The following GTPBP4 variants were observed in gnomAD, a reference collection of about 807,000 sequenced individuals.
GTPBP4 encodes the protein GTP binding protein 4.
GTPBP4 carries 15 observed loss-of-function variants against 81.7 expected under a neutral mutation model. The observed-to-expected ratio is 0.18, with a 90% CI of 0.12 to 0.28. The LOEUF (loss-of-function observed/expected upper bound fraction) is 0.28. Ranked by LOEUF, GTPBP4 falls within the 10% of genes least tolerant of loss-of-function variation. GTPBP4 has a pLI of 1.00. For missense variants in GTPBP4, 847 were observed against 793.8 expected, an observed-to-expected ratio of 1.07 and a Z score of -0.81; for synonymous variants, 272 against 274.6, an observed-to-expected ratio of 0.99 and a Z score of 0.09.
rs773394843 is a variant in GTPBP4 at position 1,015,841 on chromosome 10, G to A, written c.1697G>A (p.Arg566Gln). The change falls in exon 16 of 17, where the codon CGG becomes CAG. Residue 566 changes from arginine (R) to glutamine (Q), a missense_variant. This residue lies in a region of GTPBP4 where 600 missense variants were observed against 557.1 expected (regional missense o/e 1.08). Transcript: ENST00000360803. ...TCTGCTCCCCCGTCCTCTGTGGCCC[G>A]GAGTGGGAGTTGCTCTCGAACTCCA... ...EDSAPPSSVA[R>Q]SGSCSRTPRD... is the part of the protein sequence containing the mutation. 2.1e-5 allele frequency: 34 copies of A among 1,613,800 alleles called. No homozygotes were observed. Among genetic ancestry groups the A allele is most frequent in the East Asian group, 6.7e-5 (3 of 44,894 alleles).
In GTPBP4 at chr10:996,306, G is replaced by A. The variant is rs1831537636; in HGVS notation, c.460+64G>A. ...TGCTGAGAGGATGCGTCCTTGTTGA[G>A]GACTTGAGATGTCTGTTTTTCTTGT... On this transcript the variant is annotated intron_variant, in intron 4 of 16. Transcript: ENST00000360803. The A allele has an allele frequency of 5.6e-6, 8 of 1,436,144 alleles. No individual in the cohort carries two copies. The South Asian group carries it at 9.1e-5, about 16-fold the overall frequency. The allele number at this position is 1,436,144 out of a possible 1,614,324, so 89.0% of individuals were successfully genotyped here.
intron 8 of GTPBP4, among the ~76,000 whole-genome samples, chr10:1,003,323 A>G (rs1207146462): frequency 1.3e-5 from 2 of 152,182 alleles, no homozygotes; most frequent in South Asian, 2.1e-4. Context: ...TGAATTATCT[A>G]TCTGTATTTT....
intron 2 of GTPBP4, among the ~76,000 whole-genome samples, chr10:994,439 T>G (rs542319414): frequency 6.6e-6 from 1 of 152,076 alleles, no homozygotes; most frequent in East Asian, 1.9e-4. Context: ...CGGCTAATTT[T>G]TGTGTTTTTT....
Position 988,539 on chromosome 10 carries a change from C to T in GTPBP4, c.48+12C>T, listed in dbSNP as rs776119125. 1 of 1,604,856 alleles carries T rather than the reference C, an allele frequency of 6.2e-7. No homozygotes were observed. Among genetic ancestry groups the T allele is most frequent in the Non-Finnish European group, 8.5e-7 (1 of 1,172,538 alleles). On this transcript the variant is annotated intron_variant, in intron 1 of 16. Transcript: ENST00000360803. ...TGCCGTCCGCCAAGGTAGGCGGCCC[C>T]GGGAGGGCCACTGCAACTTTCGCGT... is the stretch of plus-strand genomic sequence containing the variant.
chr10:997,818 A>G (rs573822743), intron 5 of GTPBP4, among the ~76,000 whole-genome samples: 68 of 152,084 alleles, frequency 4.5e-4, no homozygotes, highest in Non-Finnish European at 9.1e-4. Context: ...CAGCTTTCAC[A>G]TGAAATCGTA....
In GTPBP4 at chr10:1,017,079, T is replaced by C. The variant is rs374028434; in HGVS notation, c.1757T>C (p.Val586Ala). Residue 586 changes from valine (V) to alanine (A), a missense_variant, in exon 17 of 17, where the codon GTG (valine) becomes GCG (alanine). Coordinates refer to ENST00000360803, the MANE Select transcript of GTPBP4 (RefSeq NM_012341.3). The part of the protein sequence containing the change: ...DVSGLRDVKM[V>A]KKAKTMMKNA... ...ATTTTTTTCTCCTCCTTTTAGATGG[T>C]GAAGAAAGCCAAGACTATGATGAAG... 5 of 1,608,812 alleles carry C rather than the reference T, an allele frequency of 3.1e-6. No homozygotes were observed. In the African/African-American group the frequency reaches 6.7e-5, roughly 22 times the overall value.
intron 9 of GTPBP4, among the ~76,000 whole-genome samples, 190 bp downstream of exon 9, chr10:1,006,097 G>T (rs545392420): frequency 6.6e-6 from 1 of 152,232 alleles, no homozygotes; most frequent in Non-Finnish European, 1.5e-5. Context: ...GCCCCCCGTG[G>T]ACAGTGGGTT....
At position 988,568 on chromosome 10, in the gene GTPBP4, C is replaced by T; in HGVS notation, c.48+41C>T. ...AGGGCCACTGCAACTTTCGCGTTCT[C>T]CTCAGCTGGGTCCCCGGGGAGGGTC... On this transcript the variant is annotated intron_variant, in intron 1 of 16. Transcript: ENST00000360803. The T allele has an allele frequency of 2.0e-6, 3 of 1,515,880 alleles. 1 individual carries two copies. The highest frequency in any genetic ancestry group is 1.8e-4 in the Middle Eastern group (1 of 5,644). 93.9% of individuals were successfully genotyped at this position (1,515,880 alleles called of 1,614,324 possible).
chr10:991,989 C>T (rs1349259161), intron 1 of GTPBP4, among the ~76,000 whole-genome samples: 2 of 150,938 alleles, frequency 1.3e-5, no homozygotes, highest in African/African-American at 2.4e-5. Flanking sequence ...GCCACCGCGC[C>T]CGGCCGGTGT....
At position 1,018,036 on chromosome 10, in the gene GTPBP4, C is replaced by T. The variant is rs1832020909; in HGVS notation, c.*809C>T. 6.6e-6 allele frequency: 1 copy of T among 151,800 alleles called. No individual in the cohort carries two copies. Among genetic ancestry groups the T allele is most frequent in the Non-Finnish European group, 1.5e-5 (1 of 67,806 alleles). The allele number at this position is 151,800 out of a possible 1,614,324, so 9.4% of individuals were successfully genotyped here. A position where few individuals can be genotyped will look rare whatever the true frequency, so the allele number is the denominator to read the frequency against. On this transcript the variant is annotated 3_prime_UTR_variant, in exon 17 of 17. Coordinates refer to ENST00000360803, the MANE Select transcript of GTPBP4 (RefSeq NM_012341.3). The stretch of plus-strand genomic sequence containing the variant: ...AAGACACACAGGGGTCCAAGAGCCA[C>T]CACGGATAAGTTATCAAGTCACACA...
At chr10:1,001,239 G>A (rs1831625745) in intron 8 of GTPBP4, among the ~76,000 whole-genome samples, 1 of 152,192 alleles carries the variant, frequency 6.6e-6, no homozygotes, top group Non-Finnish European at 1.5e-5. Context: ...TTGAGTGTGT[G>A]GAAGCATCTG....
chr10:994,407 T>C (rs1273990313), intron 2 of GTPBP4, among the ~76,000 whole-genome samples: 2 of 152,118 alleles, frequency 1.3e-5, no homozygotes, highest in Non-Finnish European at 2.9e-5. Flanking sequence ...TAGCTGGGAT[T>C]ACAGGCATGT....
chr10:996,208 G>C lies in GTPBP4; in HGVS notation c.426G>C (p.Lys142Asn), dbSNP rs149909914. Residue 142 changes from lysine to asparagine, a missense_variant, in exon 4 of 17, where the codon AAG becomes AAC. Lys to Asn is a moderately conservative substitution (Grantham distance 94). This residue lies in a region of GTPBP4 where 241 missense variants were observed against 216.3 expected (regional missense o/e 1.11). Transcript: ENST00000360803. ...AALGRMCTVIKRQKQSLEYLE... is the reference protein window; with the variant it reads ...AALGRMCTVINRQKQSLEYLE... ...TGGGACGGATGTGCACAGTGATCAAGAGGCAGAAGCAGAGTTTGGAGTATT... is the reference window on the plus strand; with the variant it reads ...TGGGACGGATGTGCACAGTGATCAACAGGCAGAAGCAGAGTTTGGAGTATT... 8.8e-4 allele frequency: 1,417 copies of C among 1,613,772 alleles called. 1 individual carries two copies. The highest frequency in any genetic ancestry group is 1.1e-3 in the Non-Finnish European group (1,258 of 1,179,858).
intron 5 of GTPBP4, among the ~76,000 whole-genome samples, 198 bp downstream of exon 5, chr10:997,506 G>C (rs1227894086): frequency 6.6e-6 from 1 of 152,244 alleles, no homozygotes; most frequent in East Asian, 1.9e-4. Context: ...TGGTCTGCAG[G>C]AGTTCCCGGT....
intron 1 of GTPBP4, among the ~76,000 whole-genome samples, chr10:991,885 C>T (rs1397975089): frequency 6.8e-6 from 1 of 146,296 alleles, no homozygotes; most frequent in Admixed American, 6.8e-5. Flanking sequence ...TTAGTAGAGA[C>T]GGGGTTTCAC....
Position 997,293 on chromosome 10 carries a change from C to T in GTPBP4, c.546C>T (p.Ser182=). 1 of 1,574,960 alleles carries T rather than the reference C, an allele frequency of 6.3e-7. No homozygotes were observed. The highest frequency in any genetic ancestry group is 8.7e-7 in the Non-Finnish European group (1 of 1,144,292). The change falls in exon 5 of 17, where the codon TCC becomes TCT. Residue 182 remains serine, a synonymous_variant. Transcript: ENST00000360803. The part of the protein sequence containing the change: ...LLCGYPNVGK[S]SFINKVTRAD... Reference sequence around the variant, plus strand: ...GTGGGTACCCAAATGTTGGGAAGTCCAGCTTCATCAACAAGGTTGGTCTGG... The same window carrying T: ...GTGGGTACCCAAATGTTGGGAAGTCTAGCTTCATCAACAAGGTTGGTCTGG...
Position 1,019,746 on chromosome 10 carries a change from A to G in GTPBP4, c.*2519A>G, listed in dbSNP as rs1287607839. The G allele has an allele frequency of 6.2e-7, 1 of 1,613,988 alleles. No individual in the cohort carries two copies. Among genetic ancestry groups the G allele is most frequent in the Admixed American group, 1.7e-5 (1 of 59,990 alleles). ...AGTGACGTTTTTCCTCACAAGCAGA[A>G]GGTAACAAATTTCATGCTCTCCCCA... On this transcript the variant is annotated 3_prime_UTR_variant, in exon 17 of 17. Transcript: ENST00000360803.
At chr10:1,006,132 A>AC (rs1485700629) in intron 9 of GTPBP4, among the ~76,000 whole-genome samples, 1 of 152,168 alleles carries the variant, frequency 6.6e-6, no homozygotes, top group Non-Finnish European at 1.5e-5. Context: ...TGCTCTTCTC[A>AC]CCCCAAACAA....
chr10:992,550 A>G lies in GTPBP4; in HGVS notation c.110A>G (p.His37Arg), dbSNP rs765893234. The change falls in exon 2 of 17, where the codon CAT becomes CGT. Residue 37 changes from histidine (H) to arginine (R), a missense_variant. His to Arg is a conservative substitution (Grantham distance 29). This residue lies in a region of GTPBP4 where 241 missense variants were observed against 216.3 expected (regional missense o/e 1.11). Transcript: ENST00000360803. ...QRKTPTVIHK[H>R]YQIHRIRHFY... ...AAGACTCCAACCGTTATTCATAAAC[A>G]TTACCAAATACATCGCATTAGACAT... is the stretch of plus-strand genomic sequence containing the variant. 2.5e-6 allele frequency: 4 copies of G among 1,602,824 alleles called. No homozygotes were observed. Among genetic ancestry groups the G allele is most frequent in the Admixed American group, 1.7e-5 (1 of 60,006 alleles).
Sources: gnomAD v4.1 joint callset for allele counts (sites outside exome capture counted in the v4.1 genomes callset) on GRCh38, gnomAD v4.1.1 for gene constraint, gnomAD v4.1.1 regional missense constraint, MANE v1.5 for transcripts, NCBI Gene and HGNC (gene_info 2026-07-23, HGNC 2026-07-21) for gene names.